ST6GALNAC3: variants seen among roughly 807,000 people sequenced by gnomAD.
ST6GALNAC3 encodes ST6 N-acetylgalactosaminide alpha-2,6-sialyltransferase 3, also known as alpha-N-acetylgalactosaminide alpha-2,6-sialyltransferase 3.
Under a neutral mutation model 32.7 loss-of-function variants are expected in ST6GALNAC3, and 25 were observed. The observed-to-expected ratio is 0.76, with a 90% CI of 0.56 to 1.07. ST6GALNAC3 has a LOEUF of 1.07. Among genes scored for constraint, ST6GALNAC3 ranks in the 50% least tolerant of loss-of-function variants. The pLI, the probability that ST6GALNAC3 is intolerant of heterozygous loss-of-function variation, is 0.00. For missense variants in ST6GALNAC3, 355 were observed against 382.4 expected (o/e 0.93, Z 0.60); for synonymous variants, 129 against 133.1 (o/e 0.97, Z 0.21).
rs192286926 is a variant in ST6GALNAC3 at position 76,150,443 on chromosome 1, C to T, written c.18+75559C>T. Reference sequence around the variant, plus strand: ...AATGGGGCTAGGTTTCATTATGTCTCCCTCTGGGTAGACCCAATTCCCTCC... The same window carrying T: ...AATGGGGCTAGGTTTCATTATGTCTTCCTCTGGGTAGACCCAATTCCCTCC... On this transcript the variant is annotated intron_variant, in intron 1 of 4. Coordinates refer to ENST00000328299, the MANE Select transcript of ST6GALNAC3 (RefSeq NM_152996.4). 6.9e-3 allele frequency among the ~76,000 whole-genome samples: 1,052 copies of T among 152,306 alleles called. 8 individuals are homozygous for T. Among genetic ancestry groups the T allele is most frequent in the Non-Finnish European group, 0.01 (686 of 68,034 alleles).
At chr1:76,147,584 G>A (rs757271421) in intron 1 of ST6GALNAC3, among the ~76,000 whole-genome samples, 7 of 151,936 alleles carry the variant, frequency 4.6e-5, no homozygotes, top group African/African-American at 7.3e-5. Flanking sequence ...ATTCTATACC[G>A]TTTACTTACA....
chr1:76,544,913 C>T (rs1664198973), intron 3 of ST6GALNAC3, among the ~76,000 whole-genome samples: 1 of 152,136 alleles, frequency 6.6e-6, no homozygotes, highest in Non-Finnish European at 1.5e-5. Flanking sequence ...ATTTTAACAC[C>T]CACAAAGTAG....
chr1:76,294,917 A>G (rs1363696957), intron 1 of ST6GALNAC3, among the ~76,000 whole-genome samples: 2 of 152,116 alleles, frequency 1.3e-5, no homozygotes, highest in African/African-American at 2.4e-5. Flanking sequence ...TCAAATTTCC[A>G]TAATTTGTGA....
At chr1:76,457,961 G>A (rs1657967875) in intron 3 of ST6GALNAC3, among the ~76,000 whole-genome samples, 1 of 149,530 alleles carries the variant, frequency 6.7e-6, no homozygotes, top group Non-Finnish European at 1.5e-5. Flanking sequence ...TACAAAATGG[G>A]AGAAAATTTT....
At position 76,451,379 on chromosome 1, in the gene ST6GALNAC3, C is replaced by A. The variant is rs189345865; in HGVS notation, c.623+38962C>A. Among the ~76,000 whole-genome samples the A allele has an allele frequency of 1.5e-3, 221 of 152,258 alleles. 1 individual carries two copies. Among genetic ancestry groups the A allele is most frequent in the African/African-American group, 5.1e-3 (210 of 41,550 alleles). On this transcript the variant is annotated intron_variant, in intron 3 of 4. Transcript: ENST00000328299. ...AAGGGAACTGCCCTTATAAAACCAT[C>A]ATTTCTCATGAGACTTACTCACTAA...
intron 3 of ST6GALNAC3, among the ~76,000 whole-genome samples, chr1:76,463,719 T>C (rs1658437372): frequency 6.6e-6 from 1 of 152,178 alleles, no homozygotes; most frequent in South Asian, 2.1e-4. Flanking sequence ...TGCTTGGGTC[T>C]ACGGGTAGAC....
chr1:76,332,095 G>A (rs1038573913), intron 2 of ST6GALNAC3, among the ~76,000 whole-genome samples: 3 of 152,212 alleles, frequency 2.0e-5, no homozygotes, highest in African/African-American at 7.2e-5. Flanking sequence ...CTGTGGCAGT[G>A]TATTAGTGTG....
At chr1:76,218,384 T>C (rs2100596403) in intron 1 of ST6GALNAC3, among the ~76,000 whole-genome samples, 1 of 152,350 alleles carries the variant, frequency 6.6e-6, no homozygotes, top group East Asian at 1.9e-4. Context: ...CCTTCTGCTC[T>C]AATCAAGATC....
chr1:76,212,608 T>C (rs1655232327), intron 1 of ST6GALNAC3, among the ~76,000 whole-genome samples: 1 of 152,170 alleles, frequency 6.6e-6, no homozygotes, highest in Non-Finnish European at 1.5e-5. Flanking sequence ...TTAGGAAGCA[T>C]CAGGGCTTAT....
At chr1:76,421,343 T>G (rs920292749) in intron 3 of ST6GALNAC3, among the ~76,000 whole-genome samples, 1 of 152,056 alleles carries the variant, frequency 6.6e-6, no homozygotes, top group Non-Finnish European at 1.5e-5. Flanking sequence ...AGGGATTTTG[T>G]GATTGGGCAC....
chr1:76,636,991 T>G (rs1220744221), downstream of ST6GALNAC3: 1 of 151,648 alleles, frequency 6.6e-6, no homozygotes, highest in African/African-American at 2.4e-5. Flanking sequence ...GATAAGAATA[T>G]TCTGTGGTTC....
chr1:76,335,474 T>TG (rs2100973714), intron 2 of ST6GALNAC3, among the ~76,000 whole-genome samples: 1 of 151,550 alleles, frequency 6.6e-6, no homozygotes, highest in African/African-American at 2.4e-5. Flanking sequence ...CTCAGTCAGA[T>TG]TGGGACCATT....
intron 1 of ST6GALNAC3, among the ~76,000 whole-genome samples, chr1:76,178,663 A>G (rs1363258074): frequency 2.0e-5 from 3 of 152,090 alleles, no homozygotes; most frequent in African/African-American, 7.2e-5. Context: ...AGTAGGAGGG[A>G]GGGAAAGACA....
intron 2 of ST6GALNAC3, among the ~76,000 whole-genome samples, chr1:76,327,025 C>T (rs756819253): frequency 6.6e-6 from 1 of 151,658 alleles, no homozygotes; most frequent in East Asian, 1.9e-4. Context: ...TTTTCTTTAC[C>T]ATATTAAGGA....
intron 3 of ST6GALNAC3, among the ~76,000 whole-genome samples, chr1:76,456,947 G>C (rs1482434112): frequency 1.3e-5 from 2 of 152,000 alleles, no homozygotes; most frequent in Admixed American, 6.6e-5. Flanking sequence ...TGTATATCTA[G>C]AAAACCCCAT....
At chr1:76,150,415 A>G (rs1650967616) in intron 1 of ST6GALNAC3, among the ~76,000 whole-genome samples, 1 of 152,210 alleles carries the variant, frequency 6.6e-6, no homozygotes, top group African/African-American at 2.4e-5. Context: ...TGTGAAATCC[A>G]TGAATGGGGC....
intron 1 of ST6GALNAC3, among the ~76,000 whole-genome samples, chr1:76,170,274 C>T (rs757217113): frequency 5.9e-5 from 9 of 152,130 alleles, no homozygotes; most frequent in Admixed American, 1.3e-4. Flanking sequence ...GTGCCTGCCT[C>T]CATGTGGGTG....
At chr1:76,518,357 T>A (rs1314916462) in intron 3 of ST6GALNAC3, among the ~76,000 whole-genome samples, 1 of 152,110 alleles carries the variant, frequency 6.6e-6, no homozygotes, top group Non-Finnish European at 1.5e-5. Context: ...ATTATGTATA[T>A]CTGACATGGC....
At chr1:76,479,817 C>T (rs1206898990) in intron 3 of ST6GALNAC3, among the ~76,000 whole-genome samples, 2 of 152,010 alleles carry the variant, frequency 1.3e-5, no homozygotes, top group African/African-American at 2.4e-5. Context: ...TATCATTATA[C>T]TGGTCAACCT....
Sources: allele counts gnomAD v4.1 joint callset (sites outside exome capture counted in the v4.1 genomes callset), GRCh38; gene constraint gnomAD v4.1.1; transcripts MANE v1.5; gene names NCBI Gene and HGNC (gene_info 2026-07-23, HGNC 2026-07-21).